Variants in GNAQ observed in about 807,000 individuals in gnomAD.
GNAQ encodes G protein subunit alpha q.
In GNAQ, 8 loss-of-function variants were observed where a neutral mutation model predicts 43.9. The ratio of observed to expected loss-of-function variants is 0.18; its 90% CI spans 0.11 to 0.33. The LOEUF is 0.33. Ranked by LOEUF, GNAQ falls within the 10% of genes least tolerant of loss-of-function variation. The pLI, the probability that GNAQ is intolerant of heterozygous loss-of-function variation, is 1.00. For synonymous variants in GNAQ, 155 were observed against 170.7 expected (o/e 0.91, Z 0.71); for missense variants, 158 against 450.8 (o/e 0.35, Z 5.88).
At chr9:77,845,298 C>G (rs967114354) in intron 2 of GNAQ, among the ~76,000 whole-genome samples, 3 of 151,994 alleles carry the variant, frequency 2.0e-5, no homozygotes, top group African/African-American at 7.3e-5. Flanking sequence ...ATTGTTGAAC[C>G]TAAGTTGGAG....
intron 2 of GNAQ, among the ~76,000 whole-genome samples, chr9:77,889,986 G>A (rs1828375197): frequency 6.6e-6 from 1 of 152,052 alleles, no homozygotes; most frequent in Non-Finnish European, 1.5e-5. Context: ...CTAAAAACAA[G>A]TAAAACTACA....
intron 6 of GNAQ, among the ~76,000 whole-genome samples, chr9:77,726,819 G>A (rs550942054): frequency 6.6e-6 from 1 of 152,210 alleles, no homozygotes; most frequent in African/African-American, 2.4e-5. Flanking sequence ...CAGACAGTGA[G>A]TGGCAAAGTG....
At chr9:77,746,225 TCAGA>T in intron 5 of GNAQ, among the ~76,000 whole-genome samples, 1 of 152,214 alleles carries the variant, frequency 6.6e-6, no homozygotes, top group East Asian at 1.9e-4. Context: ...GGATCCTTAC[TCAGA>T]AAGCTACAGA....
chr9:77,859,792 A>G (rs1827814140), intron 2 of GNAQ, among the ~76,000 whole-genome samples: 1 of 152,240 alleles, frequency 6.6e-6, no homozygotes, highest in South Asian at 2.1e-4. Flanking sequence ...GAATGCAGTA[A>G]AATATGAGGC....
At chr9:77,729,376 C>T (rs1825450250) in intron 5 of GNAQ, among the ~76,000 whole-genome samples, 1 of 152,108 alleles carries the variant, frequency 6.6e-6, no homozygotes, top group African/African-American at 2.4e-5. Flanking sequence ...GTGTTCTCAC[C>T]TGAAGCTACA....
chr9:77,789,502 G>C, intron 5 of GNAQ, among the ~76,000 whole-genome samples: 1 of 152,140 alleles, frequency 6.6e-6, no homozygotes, highest in Middle Eastern at 3.4e-3. Context: ...CTTAAAAAAA[G>C]TATCATTTAA....
intron 1 of GNAQ, among the ~76,000 whole-genome samples, chr9:77,985,972 T>G (rs529524465): frequency 4.6e-5 from 7 of 152,180 alleles, no homozygotes; most frequent in Non-Finnish European, 1.0e-4. Context: ...TTCCTTTTTC[T>G]GGACAGTTTG....
At chr9:77,892,735 G>C (rs538789261) in intron 2 of GNAQ, among the ~76,000 whole-genome samples, 1 of 152,072 alleles carries the variant, frequency 6.6e-6, no homozygotes, top group East Asian at 1.9e-4. Context: ...CTTGAAAAAA[G>C]CTTCATTTAT....
chr9:77,996,027 C>T (rs188253094), intron 1 of GNAQ, among the ~76,000 whole-genome samples: 7 of 152,262 alleles, frequency 4.6e-5, no homozygotes, highest in Admixed American at 1.3e-4. Context: ...GGAGGGGTGT[C>T]CCCTTATTCA....
chr9:77,954,599 A>G (rs1414784759), intron 1 of GNAQ, among the ~76,000 whole-genome samples: 1 of 152,214 alleles, frequency 6.6e-6, no homozygotes, highest in Non-Finnish European at 1.5e-5. Context: ...ATCAGCACTC[A>G]ACAAAGCATG....
chr9:78,031,307 C>T lies in GNAQ; in HGVS notation c.-72G>A. On this transcript the variant is annotated 5_prime_UTR_variant, in exon 1 of 7. Coordinates refer to ENST00000286548, the MANE Select transcript of GNAQ (RefSeq NM_002072.5). Reference sequence around the variant, plus strand: ...CAGCGCGCACACACACCCTCCCGCCCTCGCTCCCCCGAGGCAGCGGTGGCC... The same window carrying T: ...CAGCGCGCACACACACCCTCCCGCCTTCGCTCCCCCGAGGCAGCGGTGGCC... 1.7e-6 allele frequency: 2 copies of T among 1,203,504 alleles called. No homozygotes were observed. Among genetic ancestry groups the T allele is most frequent in the Middle Eastern group, 3.3e-4 (1 of 3,018 alleles). The allele number at this position is 1,203,504 out of a possible 1,614,324, so 74.6% of individuals were successfully genotyped here. A position where few individuals can be genotyped will look rare whatever the true frequency, so the allele number is the denominator to read the frequency against.
intron 1 of GNAQ, among the ~76,000 whole-genome samples, chr9:77,980,134 A>G (rs1264924172): frequency 6.6e-6 from 1 of 152,184 alleles, no homozygotes; most frequent in South Asian, 2.1e-4. Context: ...TCAAGCCTTG[A>G]AAGAGTTACT....
At chr9:77,767,585 G>T (rs915090477) in intron 5 of GNAQ, among the ~76,000 whole-genome samples, 2 of 152,196 alleles carry the variant, frequency 1.3e-5, no homozygotes, top group Admixed American at 6.5e-5. Context: ...TGCAAACAAT[G>T]AGTGTAACTT....
intron 2 of GNAQ, among the ~76,000 whole-genome samples, chr9:77,895,943 G>A (rs779782145): frequency 4.6e-5 from 7 of 152,178 alleles, no homozygotes; most frequent in African/African-American, 4.8e-5. Context: ...CCCCAGTCAC[G>A]TGGAACTGAG....
At chr9:78,024,614 C>T (rs1416127833) in intron 1 of GNAQ, among the ~76,000 whole-genome samples, 1 of 152,050 alleles carries the variant, frequency 6.6e-6, no homozygotes, top group Admixed American at 6.6e-5. Flanking sequence ...TATGAAAACC[C>T]AATAGAAAAG....
chr9:77,789,470 C>T (rs940130250), intron 5 of GNAQ, among the ~76,000 whole-genome samples: 3 of 151,996 alleles, frequency 2.0e-5, no homozygotes, highest in Non-Finnish European at 4.4e-5. Flanking sequence ...AATTCTCAAA[C>T]TGAAGGCTTA....
chr9:77,934,118 G>A (rs75986473), intron 1 of GNAQ, among the ~76,000 whole-genome samples: 3,101 of 152,224 alleles, frequency 0.02, 41 homozygotes, highest in Middle Eastern at 0.044. Flanking sequence ...GCAGAGGTGC[G>A]GCACAGAAAG....
intron 2 of GNAQ, among the ~76,000 whole-genome samples, chr9:77,909,135 A>T (rs2118200700): frequency 6.6e-6 from 1 of 152,314 alleles, no homozygotes; most frequent in South Asian, 2.1e-4. Context: ...ATGGCTGGCA[A>T]AAACTGCACA....
intron 2 of GNAQ, among the ~76,000 whole-genome samples, chr9:77,829,116 A>G (rs1383271488): frequency 1.3e-5 from 2 of 152,158 alleles, no homozygotes; most frequent in Non-Finnish European, 2.9e-5. Flanking sequence ...CTATAATATT[A>G]TACTTTTTCA....
Sources: allele counts gnomAD v4.1 joint callset (sites outside exome capture counted in the v4.1 genomes callset), GRCh38; gene constraint gnomAD v4.1.1; transcripts MANE v1.5; gene names NCBI Gene and HGNC (gene_info 2026-07-23, HGNC 2026-07-21).